The following TUSC3 variants were observed in gnomAD, a reference collection of about 807,000 sequenced individuals.
TUSC3 encodes the protein dolichyl-diphosphooligosaccharide--protein glycosyltransferase subunit TUSC3.
In TUSC3, 45 loss-of-function variants were observed where a neutral mutation model predicts 44.8. That is an observed-to-expected ratio of 1.00 (90% CI 0.79 to 1.29). TUSC3 has a LOEUF of 1.29. Ranked by LOEUF, TUSC3 falls within the 50% of genes most tolerant of loss-of-function variation. The pLI, the probability that TUSC3 is intolerant of heterozygous loss-of-function variation, is 0.00. For missense variants in TUSC3, 519 were observed against 437.9 expected, an observed-to-expected ratio of 1.19 and a Z score of -1.65; for synonymous variants, 212 against 152.9, an observed-to-expected ratio of 1.39 and a Z score of -2.85.
chr8:15,619,780 G>A (rs1002375642), intron 1 of TUSC3, among the ~76,000 whole-genome samples: 8 of 152,258 alleles, frequency 5.3e-5, no homozygotes, highest in African/African-American at 1.9e-4. Context: ...AAAGTGCTGG[G>A]ATTACAGGCG....
chr8:15,748,195 G>C (rs972911201), intron 8 of TUSC3, among the ~76,000 whole-genome samples, 180 bp from the exon 9 acceptor site: 3 of 151,908 alleles, frequency 2.0e-5, no homozygotes, highest in Admixed American at 6.6e-5. Context: ...TCATTGAGAA[G>C]AATGTGGAAA....
intron 1 of TUSC3, among the ~76,000 whole-genome samples, chr8:15,459,263 C>G (rs538633324): frequency 6.6e-6 from 1 of 152,208 alleles, no homozygotes; most frequent in South Asian, 2.1e-4. Flanking sequence ...TGTTGACTGT[C>G]TAGTTCAGGA....
intron 2 of TUSC3, among the ~76,000 whole-genome samples, chr8:15,519,021 A>G (rs930574732): frequency 2.1e-4 from 32 of 152,234 alleles, no homozygotes; most frequent in African/African-American, 7.7e-4. Context: ...GCATCTGCTT[A>G]TACAACAAAA....
upstream of TUSC3, among the ~76,000 whole-genome samples, chr8:15,539,419 C>T (rs1350891004): frequency 8.3e-6 from 1 of 121,100 alleles, no homozygotes. Flanking sequence ...GTGGAGTGAT[C>T]TCGGCTCACT....
chr8:15,639,772 C>T (rs1276288343), intron 2 of TUSC3, among the ~76,000 whole-genome samples: 1 of 123,304 alleles, frequency 8.1e-6, no homozygotes, highest in South Asian at 2.8e-4. Flanking sequence ...CTCTTAGATG[C>T]ATAAGAGTCG....
At chr8:15,454,717 G>A (rs1388014186) in intron 1 of TUSC3, among the ~76,000 whole-genome samples, 2 of 152,080 alleles carry the variant, frequency 1.3e-5, no homozygotes, top group African/African-American at 2.4e-5. Context: ...ATTTTAATCA[G>A]GACCTAATAA....
intron 2 of TUSC3, among the ~76,000 whole-genome samples, chr8:15,485,464 CT>C (rs11372919): frequency 2.7e-4 from 36 of 135,142 alleles, no homozygotes; most frequent in Admixed American, 2.3e-4. Context: ...ACTCTGTTGT[CT>C]TTTTTTTTTT....
At chr8:15,597,473 G>T (rs1804119814) in intron 1 of TUSC3, among the ~76,000 whole-genome samples, 1 of 151,750 alleles carries the variant, frequency 6.6e-6, no homozygotes, top group African/African-American at 2.4e-5. Context: ...TTTTTTCTTT[G>T]TCTTTCTTTA....
At chr8:15,836,602 G>C in the TUSC3 span, among the ~76,000 whole-genome samples, 8 of 151,550 alleles carry the variant, frequency 5.3e-5, no homozygotes, top group East Asian at 1.6e-3. Flanking sequence ...TACTTTTTTG[G>C]TTGACTTCTT....
the TUSC3 span, among the ~76,000 whole-genome samples, chr8:15,773,595 T>C: frequency 1.3e-5 from 2 of 152,182 alleles, no homozygotes; most frequent in Non-Finnish European, 2.9e-5. Flanking sequence ...AGCTGATTCA[T>C]ATGAAAATGC....
At chr8:15,801,635 C>A in the TUSC3 span, among the ~76,000 whole-genome samples, 1 of 151,992 alleles carries the variant, frequency 6.6e-6, no homozygotes, top group Non-Finnish European at 1.5e-5. Flanking sequence ...GCAACTTGAT[C>A]AAAAACCCAG....
chr8:15,705,580 G>C (rs984577757), intron 6 of TUSC3, among the ~76,000 whole-genome samples: 1 of 152,148 alleles, frequency 6.6e-6, no homozygotes, highest in South Asian at 2.1e-4. Context: ...TCTTCACAAA[G>C]CGCTGATAGC....
the TUSC3 span, among the ~76,000 whole-genome samples, chr8:15,813,088 C>T: frequency 5.4e-3 from 825 of 151,774 alleles, 5 homozygotes; most frequent in African/African-American, 0.018. Flanking sequence ...AGTAAGACCA[C>T]GTCTCAAAAA....
intron 2 of TUSC3, among the ~76,000 whole-genome samples, chr8:15,520,520 A>G (rs577512330): frequency 6.6e-6 from 1 of 152,206 alleles, no homozygotes; most frequent in Non-Finnish European, 1.5e-5. Flanking sequence ...TTTCTATGAA[A>G]TCAAAAGAGT....
intron 1 of TUSC3, among the ~76,000 whole-genome samples, chr8:15,470,361 A>G (rs988109732): frequency 6.6e-6 from 1 of 152,084 alleles, no homozygotes; most frequent in African/African-American, 2.4e-5. Context: ...CGTTCATGAT[A>G]TAATAGTGGA....
the TUSC3 span, among the ~76,000 whole-genome samples, chr8:15,809,168 G>A: frequency 6.6e-6 from 1 of 152,160 alleles, no homozygotes; most frequent in Non-Finnish European, 1.5e-5. Flanking sequence ...GAGGAAGATG[G>A]AGGGCTCAGG....
intron 1 of TUSC3, among the ~76,000 whole-genome samples, chr8:15,458,420 G>C (rs1166751594): frequency 2.6e-5 from 4 of 152,022 alleles, no homozygotes; most frequent in African/African-American, 9.7e-5. Flanking sequence ...TGTACTTTTT[G>C]TAGAGATGAG....
At chr8:15,633,005 A>G (rs901134543) in intron 2 of TUSC3, among the ~76,000 whole-genome samples, 1 of 152,160 alleles carries the variant, frequency 6.6e-6, no homozygotes, top group African/African-American at 2.4e-5. Flanking sequence ...TAGAAAGCAA[A>G]AACTTAGCTA....
intron 6 of TUSC3, among the ~76,000 whole-genome samples, chr8:15,707,256 A>G (rs1245396352): frequency 6.6e-6 from 1 of 151,986 alleles, no homozygotes; most frequent in Non-Finnish European, 1.5e-5. Context: ...TAAGCTTTAA[A>G]ATTTACATTT....
Sources: gnomAD v4.1 joint callset for allele counts (sites outside exome capture counted in the v4.1 genomes callset) on GRCh38, gnomAD v4.1.1 for gene constraint, MANE v1.5 for transcripts, NCBI Gene and HGNC (gene_info 2026-07-23, HGNC 2026-07-21) for gene names.